GALNTL6: variants seen among roughly 807,000 people sequenced by gnomAD.
The protein encoded by GALNTL6 is polypeptide N-acetylgalactosaminyltransferase-like 6.
In GALNTL6, 46 loss-of-function variants were observed where a neutral mutation model predicts 73.7. That is an observed-to-expected ratio of 0.62 (90% CI 0.49 to 0.80). The LOEUF (loss-of-function observed/expected upper bound fraction) is 0.80. Among genes scored for constraint, GALNTL6 ranks in the 30% least tolerant of loss-of-function variants. The pLI is 0.00. For synonymous variants in GALNTL6, 259 were observed against 263.7 expected (o/e 0.98, Z 0.17); for missense variants, 604 against 755.0 (o/e 0.80, Z 2.34).
chr4:172,081,678 A>G (rs550442739), intron 2 of GALNTL6, among the ~76,000 whole-genome samples: 1 of 152,212 alleles, frequency 6.6e-6, no homozygotes, highest in South Asian at 2.1e-4. Flanking sequence ...AATCTCTGTG[A>G]TAAAGGTGTT....
chr4:172,813,882 A>C (rs1579516153), intron 7 of GALNTL6, among the ~76,000 whole-genome samples, 159 bp downstream of exon 7: 1 of 152,340 alleles, frequency 6.6e-6, no homozygotes, highest in East Asian at 1.9e-4. Context: ...TACACCCTGT[A>C]GAAAATTACA....
intron 5 of GALNTL6, among the ~76,000 whole-genome samples, chr4:172,606,681 T>C (rs144594441): frequency 0.044 from 3,902 of 87,932 alleles, 104 homozygotes; most frequent in South Asian, 0.14. Context: ...ATATACTATA[T>C]ATATAGTATA....
At chr4:172,493,788 G>A (rs560294188) in intron 5 of GALNTL6, among the ~76,000 whole-genome samples, 5 of 152,206 alleles carry the variant, frequency 3.3e-5, no homozygotes, top group Non-Finnish European at 5.9e-5. Context: ...ATTAATGTTA[G>A]AACCTATATT....
chr4:172,033,046 G>A (rs17217725), intron 2 of GALNTL6, among the ~76,000 whole-genome samples: 2,972 of 151,908 alleles, frequency 0.02, 45 homozygotes, highest in Non-Finnish European at 0.031. Flanking sequence ...GACTACCTAG[G>A]TATGACAAGT....
At chr4:172,384,165 A>C (rs1743381747) in intron 5 of GALNTL6, among the ~76,000 whole-genome samples, 1 of 152,168 alleles carries the variant, frequency 6.6e-6, no homozygotes, top group Admixed American at 6.5e-5. Context: ...AGAATTTGTT[A>C]AAAACTGGTA....
intron 5 of GALNTL6, among the ~76,000 whole-genome samples, chr4:172,788,516 C>CA (rs1739796813): frequency 6.6e-6 from 1 of 151,628 alleles, no homozygotes; most frequent in Non-Finnish European, 1.5e-5. Flanking sequence ...ACTAAAAATA[C>CA]AAAAAATTAG....
Position 172,005,618 on chromosome 4 carries a change from A to G in GALNTL6, c.138+190900A>G, listed in dbSNP as rs559734346. Among the ~76,000 whole-genome samples, 7 of 152,254 alleles carry G rather than the reference A, an allele frequency of 4.6e-5. 1 individual carries two copies. The highest frequency in any genetic ancestry group is 1.7e-4 in the African/African-American group (7 of 41,544). ...TATCTACATATATGTATGTGTGTGT[A>G]TATATTTACACACACCTATACCTAT... On this transcript the variant is annotated intron_variant, in intron 2 of 12. Coordinates refer to ENST00000506823, the MANE Select transcript of GALNTL6 (RefSeq NM_001034845.3).
intron 5 of GALNTL6, among the ~76,000 whole-genome samples, chr4:172,735,884 G>T (rs1399646765): frequency 6.6e-6 from 1 of 152,114 alleles, no homozygotes; most frequent in Admixed American, 6.5e-5. Flanking sequence ...GTCTCCAGGG[G>T]TGACATCACA....
intron 3 of GALNTL6, among the ~76,000 whole-genome samples, chr4:172,305,996 A>C (rs919533185): frequency 2.6e-5 from 4 of 152,178 alleles, no homozygotes; most frequent in South Asian, 2.1e-4. Flanking sequence ...GAAGTGACAG[A>C]ATCTAAAGGC....
chr4:171,926,895 G>A (rs1374290884), intron 2 of GALNTL6, among the ~76,000 whole-genome samples: 2 of 151,870 alleles, frequency 1.3e-5, no homozygotes, highest in Non-Finnish European at 2.9e-5. Flanking sequence ...TACTTTTTTT[G>A]TATGTTTAAT....
At chr4:172,461,026 A>G (rs1171012161) in intron 5 of GALNTL6, among the ~76,000 whole-genome samples, 1 of 152,248 alleles carries the variant, frequency 6.6e-6, no homozygotes, top group East Asian at 1.9e-4. Context: ...ACCATGGAAT[A>G]CTATGCAGCC....
intron 2 of GALNTL6, among the ~76,000 whole-genome samples, chr4:172,163,862 G>T (rs144948085): frequency 1.5e-3 from 221 of 152,004 alleles, no homozygotes; most frequent in Non-Finnish European, 2.6e-3. Context: ...ACAGGTACAC[G>T]TGTCTATTTA....
At chr4:172,927,812 T>TG (rs1319278300) in intron 8 of GALNTL6, among the ~76,000 whole-genome samples, 1 of 152,202 alleles carries the variant, frequency 6.6e-6, no homozygotes, top group Non-Finnish European at 1.5e-5. Context: ...GGACAGGCTA[T>TG]GTGGCCTTTT....
intron 2 of GALNTL6, among the ~76,000 whole-genome samples, chr4:171,939,476 AT>A (rs1214311834): frequency 2.0e-5 from 3 of 151,982 alleles, no homozygotes; most frequent in African/African-American, 7.2e-5. Flanking sequence ...AATTATATTT[AT>A]AAAATTGTTA....
chr4:172,993,729 G>A (rs1378311587), intron 10 of GALNTL6, among the ~76,000 whole-genome samples: 1 of 152,124 alleles, frequency 6.6e-6, no homozygotes, highest in Admixed American at 6.6e-5. Flanking sequence ...TATTTTCAGG[G>A]AGAAATAATC....
intron 2 of GALNTL6, among the ~76,000 whole-genome samples, chr4:172,038,033 T>A (rs540071180): frequency 4.7e-4 from 72 of 152,026 alleles, no homozygotes; most frequent in Admixed American, 2.6e-3. Flanking sequence ...GCAGGAGAAT[T>A]GTTTGCACCT....
At chr4:172,043,599 A>G (rs546988952) in intron 2 of GALNTL6, among the ~76,000 whole-genome samples, 7 of 152,204 alleles carry the variant, frequency 4.6e-5, no homozygotes, top group Admixed American at 1.3e-4. Context: ...GGATTAGAAT[A>G]CGGGTTACAA....
chr4:172,171,387 A>G (rs1734819758), intron 2 of GALNTL6, among the ~76,000 whole-genome samples: 1 of 152,220 alleles, frequency 6.6e-6, no homozygotes, highest in African/African-American at 2.4e-5. Context: ...TTCACGTGAC[A>G]TAAACTGGGA....
chr4:172,277,242 A>G (rs1738864686), intron 3 of GALNTL6, among the ~76,000 whole-genome samples: 2 of 151,614 alleles, frequency 1.3e-5, no homozygotes, highest in South Asian at 4.2e-4. Context: ...CATAGTTCCT[A>G]AGGCTTGAAA....
Sources: gnomAD v4.1 joint callset for allele counts (sites outside exome capture counted in the v4.1 genomes callset) on GRCh38, gnomAD v4.1.1 for gene constraint, MANE v1.5 for transcripts, NCBI Gene and HGNC (gene_info 2026-07-23, HGNC 2026-07-21) for gene names.